Variants in PDE8A observed in about 807,000 individuals in gnomAD.
The protein encoded by PDE8A is phosphodiesterase 8A.
A neutral mutation model predicts 105.0 loss-of-function variants in PDE8A; 59 were observed. The observed-to-expected ratio is 0.56, with a 90% confidence interval of 0.46 to 0.70. The LOEUF (loss-of-function observed/expected upper bound fraction) is 0.70, where lower values mean the gene tolerates loss of function less well. PDE8A is among the 30% of genes least tolerant of loss of function. The pLI, the probability that PDE8A is intolerant of heterozygous loss-of-function variation, is 0.00. For missense variants in PDE8A, 1,014 were observed against 1,045.9 expected (o/e 0.97, Z 0.42); for synonymous variants, 355 against 371.9 (o/e 0.95, Z 0.52).
rs1303374471 is a variant in PDE8A at position 85,139,121 on chromosome 15, T to G, written c.*1218T>G. The G allele has an allele frequency of 6.6e-6, 1 of 152,214 alleles. No individual in the cohort carries two copies. The highest frequency in any genetic ancestry group is 1.5e-5 in the Non-Finnish European group (1 of 68,038). 9.4% of individuals were successfully genotyped at this position (152,214 alleles called of 1,614,324 possible). Reference sequence around the variant, plus strand: ...TTTTTTTCCCAGATAAAAATGAAATTAAACCATTTCTTTTTAAGAAATCAT... The same window carrying G: ...TTTTTTTCCCAGATAAAAATGAAATGAAACCATTTCTTTTTAAGAAATCAT... On this transcript the variant is annotated 3_prime_UTR_variant, in exon 22 of 22. Transcript: ENST00000394553.
At chr15:85,108,030 C>T (rs2081970447) in intron 11 of PDE8A, among the ~76,000 whole-genome samples, 1 of 152,122 alleles carries the variant, frequency 6.6e-6, no homozygotes, top group African/African-American at 2.4e-5. Flanking sequence ...AGAAAGGGAT[C>T]AGTTGTGTCT....
At chr15:85,023,262 A>G (rs901898173) in intron 1 of PDE8A, among the ~76,000 whole-genome samples, 2 of 152,206 alleles carry the variant, frequency 1.3e-5, no homozygotes, top group Non-Finnish European at 2.9e-5. Flanking sequence ...TCTGGGGTTC[A>G]CCAAAGGATT....
At chr15:85,042,165 GTTTTTTGT>G (rs1226842449) in intron 1 of PDE8A, among the ~76,000 whole-genome samples, 8 of 151,754 alleles carry the variant, frequency 5.3e-5, no homozygotes, top group Non-Finnish European at 7.4e-5. Flanking sequence ...TCAGAGGTTT[GTTTTTTGT>G]TTTTTTGTTT....
In PDE8A at chr15:85,113,409, C is replaced by T. The variant is rs779086059; in HGVS notation, c.1147C>T (p.Arg383Trp). Residue 383 changes from arginine (R) to tryptophan (W), a missense_variant, in exon 13 of 22, where the codon CGG (arginine) becomes TGG (tryptophan). By Grantham distance (101) the Arg-to-Trp change is moderately radical (BLOSUM62 -3). Transcript: ENST00000394553. The stretch of plus-strand genomic sequence containing the variant: ...CCAGAGACGACACTCTTCCATGGCC[C>T]GGATACATTCCATGACAATTGAGGC... ...SSQRRHSSMA[R>W]IHSMTIEAPI... The T allele has an allele frequency of 2.6e-5, 42 of 1,614,000 alleles. No individual in the cohort carries two copies. The highest frequency in any genetic ancestry group is 3.3e-5 in the Non-Finnish European group (39 of 1,180,002).
At chr15:85,064,239 T>C (rs2081187448) in intron 1 of PDE8A, 131 bp from the exon 2 acceptor site, 1 of 607,938 alleles carries the variant, frequency 1.6e-6, no homozygotes, top group South Asian at 2.2e-5. Flanking sequence ...ATTTCATTTA[T>C]CTACTATTTA....
intron 1 of PDE8A, among the ~76,000 whole-genome samples, chr15:85,004,039 T>G (rs551516278): frequency 6.6e-6 from 1 of 152,338 alleles, no homozygotes; most frequent in East Asian, 1.9e-4. Context: ...TTACTTACTT[T>G]CCATTGGCCA....
intron 1 of PDE8A, among the ~76,000 whole-genome samples, chr15:85,058,010 CT>C (rs1225610884): frequency 1.3e-5 from 2 of 151,978 alleles, no homozygotes; most frequent in Admixed American, 1.3e-4. Context: ...CTTTTAGTGT[CT>C]TTTGTTGTTG....
chr15:84,999,064 A>G (rs920640405), intron 1 of PDE8A, among the ~76,000 whole-genome samples: 3 of 149,930 alleles, frequency 2.0e-5, no homozygotes, highest in Non-Finnish European at 4.4e-5. Context: ...TCTCTTGTCA[A>G]TTCTCCCATC....
chr15:85,056,955 A>C (rs894554389), intron 1 of PDE8A, among the ~76,000 whole-genome samples: 1 of 152,004 alleles, frequency 6.6e-6, no homozygotes, highest in African/African-American at 2.4e-5. Context: ...GGTTTTATCT[A>C]CCTTTGGTCT....
In PDE8A at chr15:85,015,873, A is replaced by C. The variant is rs2080316672; in HGVS notation, c.186+33525A>C. Among the ~76,000 whole-genome samples the C allele has an allele frequency of 4.6e-5, 7 of 152,078 alleles. No homozygotes were observed. In the South Asian group the frequency reaches 1.5e-3, roughly 32 times the overall value. On this transcript the variant is annotated intron_variant, in intron 1 of 21. Transcript: ENST00000394553. Reference sequence around the variant, plus strand: ...ACTTGTCGGCTGGGCGTGGCGGCTCACACTTGTAATCCCAGCACTTTGGGA... The same window carrying C: ...ACTTGTCGGCTGGGCGTGGCGGCTCCCACTTGTAATCCCAGCACTTTGGGA...
chr15:85,028,839 A>C (rs1255029063), intron 1 of PDE8A, among the ~76,000 whole-genome samples: 1 of 151,322 alleles, frequency 6.6e-6, no homozygotes, highest in East Asian at 1.9e-4. Context: ...CCTGTGGTTT[A>C]CTTGAGAGCA....
chr15:85,064,049 A>G (rs1376006407), intron 1 of PDE8A: 1 of 243,804 alleles, frequency 4.1e-6, no homozygotes, highest in African/African-American at 2.3e-5. Flanking sequence ...TTGTCATCTC[A>G]TTTGGCCTTT....
intron 6 of PDE8A, among the ~76,000 whole-genome samples, chr15:85,084,085 G>A (rs999505998): frequency 6.6e-6 from 1 of 150,804 alleles, no homozygotes; most frequent in African/African-American, 2.4e-5. Flanking sequence ...CATGAGTAGA[G>A]GCCTCATTCT....
chr15:85,035,048 A>C (rs1462793856), intron 1 of PDE8A, among the ~76,000 whole-genome samples: 1 of 152,118 alleles, frequency 6.6e-6, no homozygotes, highest in Non-Finnish European at 1.5e-5. Flanking sequence ...CATACCAATA[A>C]ATATAAATGG....
intron 1 of PDE8A, among the ~76,000 whole-genome samples, chr15:85,028,796 T>C (rs933219479): frequency 1.3e-5 from 2 of 150,900 alleles, no homozygotes; most frequent in Non-Finnish European, 3.0e-5. Flanking sequence ...CCATCTGCTC[T>C]GTCTTGTGGA....
At chr15:85,074,228 TC>T (rs1037221399) in intron 3 of PDE8A, among the ~76,000 whole-genome samples, 1 of 152,116 alleles carries the variant, frequency 6.6e-6, no homozygotes, top group African/African-American at 2.4e-5. Flanking sequence ...GAAGCCCGAA[TC>T]CCTACAGGCA....
chr15:85,133,168 C>T (rs994094908), intron 20 of PDE8A, among the ~76,000 whole-genome samples: 2 of 152,162 alleles, frequency 1.3e-5, no homozygotes, highest in Non-Finnish European at 2.9e-5. Flanking sequence ...ATATACACAG[C>T]TGCTTTCAGA....
At chr15:85,035,269 C>T (rs1407371301) in intron 1 of PDE8A, among the ~76,000 whole-genome samples, 2 of 136,658 alleles carry the variant, frequency 1.5e-5, no homozygotes, top group East Asian at 2.1e-4. Flanking sequence ...AGTGCAATGG[C>T]ACAATCTCAG....
chr15:85,052,187 G>A (rs2080986594), intron 1 of PDE8A, among the ~76,000 whole-genome samples: 1 of 152,208 alleles, frequency 6.6e-6, no homozygotes, highest in Non-Finnish European at 1.5e-5. Context: ...ATTCCATGGT[G>A]TATATGTACC....
Sources: allele counts gnomAD v4.1 joint callset (sites outside exome capture counted in the v4.1 genomes callset), GRCh38; gene constraint gnomAD v4.1.1; transcripts MANE v1.5; gene names NCBI Gene and HGNC (gene_info 2026-07-23, HGNC 2026-07-21).